Variants in ESRRG observed in about 807,000 individuals in gnomAD.
The protein encoded by ESRRG is estrogen related receptor gamma.
In ESRRG, 13 loss-of-function variants were observed where a neutral mutation model predicts 44.0. The observed-to-expected ratio is 0.30, with a 90% confidence interval of 0.19 to 0.47. The LOEUF (loss-of-function observed/expected upper bound fraction) is 0.47, where lower values mean the gene tolerates loss of function less well. Ranked by LOEUF, ESRRG falls within the 20% of genes least tolerant of loss-of-function variation. The pLI, the probability that ESRRG is intolerant of heterozygous loss-of-function variation, is 1.00. For synonymous variants in ESRRG, 215 were observed against 214.6 expected (o/e 1.00, Z -0.02); for missense variants, 395 against 580.6 (o/e 0.68, Z 3.29).
chr1:216,789,932 G>C (rs1004050775), intron 2 of ESRRG, among the ~76,000 whole-genome samples: 1 of 152,134 alleles, frequency 6.6e-6, no homozygotes, highest in East Asian at 1.9e-4. Context: ...ACTTCCCACT[G>C]TACCAGCCAG....
chr1:216,986,442 G>T (rs1319733358), intron 1 of ESRRG, among the ~76,000 whole-genome samples: 1 of 152,082 alleles, frequency 6.6e-6, no homozygotes, highest in Admixed American at 6.5e-5. Flanking sequence ...AGGCCGGCAT[G>T]GTGGCTCATG....
At chr1:216,986,101 C>T (rs920155666) in intron 1 of ESRRG, among the ~76,000 whole-genome samples, 7 of 151,938 alleles carry the variant, frequency 4.6e-5, no homozygotes, top group African/African-American at 1.7e-4. Flanking sequence ...GATATTTTAA[C>T]CACAGTTGAT....
intron 1 of ESRRG, among the ~76,000 whole-genome samples, chr1:217,089,166 C>T (rs1192964826): frequency 3.9e-5 from 6 of 152,074 alleles, no homozygotes; most frequent in Non-Finnish European, 8.8e-5. Context: ...TCTGCCCTCA[C>T]TCTTTGCCAC....
chr1:216,569,190 G>GGGAAGGAAAAGGAAAGGAAA (rs1553356429), intron 3 of ESRRG, among the ~76,000 whole-genome samples: 1 of 53,838 alleles, frequency 1.9e-5, no homozygotes, highest in African/African-American at 1.2e-4. Flanking sequence ...GGGAAGGGAA[G>GGGAAGGAAAAGGAAAGGAAA]GGAAAGGAAA....
chr1:216,786,408 G>A lies in ESRRG; in HGVS notation c.-13-108917C>T, dbSNP rs376195981. Among the ~76,000 whole-genome samples the A allele has an allele frequency of 6.8e-3, 1,035 of 152,236 alleles. 13 individuals carry two copies. The highest frequency in any genetic ancestry group is 0.024 in the African/African-American group (982 of 41,538). ...TGGCAAATAATTTGATTTTTAAAATGTGTATTGAGTGACCTACCATGTATT... is the reference window on the plus strand; with the variant it reads ...TGGCAAATAATTTGATTTTTAAAATATGTATTGAGTGACCTACCATGTATT... On this transcript the variant is annotated intron_variant, in intron 2 of 7. Coordinates refer to the ESRRG transcript ENST00000359162.
chr1:216,615,280 TA>T (rs1209384152), intron 3 of ESRRG, among the ~76,000 whole-genome samples: 3 of 152,200 alleles, frequency 2.0e-5, no homozygotes, highest in Non-Finnish European at 2.9e-5. Flanking sequence ...TAACTTTGCT[TA>T]CAAAGAACAA....
chr1:217,010,375 T>C (rs2078392197), intron 1 of ESRRG, among the ~76,000 whole-genome samples: 1 of 152,156 alleles, frequency 6.6e-6, no homozygotes, highest in African/African-American at 2.4e-5. Context: ...CTGAAATTTT[T>C]AAAGAGAAAG....
At chr1:217,000,666 G>A (rs1319726426) in intron 1 of ESRRG, 1 of 152,170 alleles carries the variant, frequency 6.6e-6, no homozygotes, top group African/African-American at 2.4e-5. Context: ...TAAATTTTAA[G>A]CTCAGATGTC....
intron 5 of ESRRG, among the ~76,000 whole-genome samples, chr1:216,526,957 C>A (rs1419176468): frequency 6.6e-6 from 1 of 152,118 alleles, no homozygotes; most frequent in Non-Finnish European, 1.5e-5. Flanking sequence ...TTTATTTCAG[C>A]CTTAAATTAT....
At chr1:217,098,420 A>T (rs1342229460) in intron 1 of ESRRG, among the ~76,000 whole-genome samples, 1 of 152,204 alleles carries the variant, frequency 6.6e-6, no homozygotes, top group Admixed American at 6.5e-5. Flanking sequence ...CAATTTATAG[A>T]TGATAAAGCC....
At chr1:216,673,118 T>C (rs1234128130) in intron 2 of ESRRG, among the ~76,000 whole-genome samples, 1 of 152,078 alleles carries the variant, frequency 6.6e-6, no homozygotes, top group Non-Finnish European at 1.5e-5. Flanking sequence ...GACTACGATC[T>C]GTTAAGGGTG....
At chr1:217,095,493 T>C (rs1342284381) in intron 1 of ESRRG, among the ~76,000 whole-genome samples, 1 of 152,132 alleles carries the variant, frequency 6.6e-6, no homozygotes, top group Non-Finnish European at 1.5e-5. Flanking sequence ...CTTGTTGAGG[T>C]GGCAAAGAAT....
At chr1:216,967,496 CT>C (rs2070706264) in intron 1 of ESRRG, among the ~76,000 whole-genome samples, 1 of 152,108 alleles carries the variant, frequency 6.6e-6, no homozygotes, top group African/African-American at 2.4e-5. Context: ...ACTATATAGC[CT>C]TTTCAAATTT....
chr1:217,070,901 C>T (rs1195636230), intron 1 of ESRRG, among the ~76,000 whole-genome samples: 1 of 152,150 alleles, frequency 6.6e-6, no homozygotes, highest in Non-Finnish European at 1.5e-5. Flanking sequence ...TTACCTTGGA[C>T]AAAATAATGT....
intron 5 of ESRRG, among the ~76,000 whole-genome samples, chr1:216,547,673 G>A (rs2054973920): frequency 1.3e-5 from 2 of 152,008 alleles, no homozygotes; most frequent in South Asian, 4.1e-4. Flanking sequence ...TGATCAATTG[G>A]TGCAGATGCT....
chr1:216,537,997 T>C (rs1314843083), intron 5 of ESRRG, among the ~76,000 whole-genome samples: 1 of 152,092 alleles, frequency 6.6e-6, no homozygotes, highest in Non-Finnish European at 1.5e-5. Flanking sequence ...TGAAATGCCT[T>C]TTCCCTTCCT....
At chr1:216,735,988 ATAT>A (rs1249056797) in intron 2 of ESRRG, among the ~76,000 whole-genome samples, 11 of 104,954 alleles carry the variant, frequency 1.0e-4, no homozygotes, top group African/African-American at 1.7e-4. Flanking sequence ...TCAAAAAAAA[ATAT>A]ATATATATAT....
intron 2 of ESRRG, among the ~76,000 whole-genome samples, chr1:216,918,421 CTGCTATGTGT>C (rs2061442671): frequency 1.3e-5 from 2 of 152,188 alleles, no homozygotes; most frequent in African/African-American, 2.4e-5. Flanking sequence ...GAAAATAAGC[CTGCTATGTGT>C]TACCTATTTT....
intron 3 of ESRRG, among the ~76,000 whole-genome samples, chr1:216,590,013 G>A (rs955191744): frequency 7.3e-5 from 11 of 149,702 alleles, no homozygotes; most frequent in Non-Finnish European, 1.3e-4. Context: ...TGAAAACATG[G>A]TGATATTACT....
Sources: allele counts gnomAD v4.1 joint callset (sites outside exome capture counted in the v4.1 genomes callset), GRCh38; gene constraint gnomAD v4.1.1; transcripts MANE v1.5; gene names NCBI Gene and HGNC (gene_info 2026-07-23, HGNC 2026-07-21).